The following ZFHX3 variants were observed in gnomAD, a reference collection of about 807,000 sequenced individuals.
ZFHX3 encodes the protein zinc finger homeobox 3, also known as zinc finger homeobox protein 3.
A neutral mutation model predicts 279.1 loss-of-function variants in ZFHX3; 42 were observed. The observed-to-expected ratio is 0.15, with a 90% confidence interval of 0.12 to 0.19. The LOEUF (loss-of-function observed/expected upper bound fraction) is 0.19. ZFHX3 is among the 10% of genes least tolerant of loss of function. The pLI is 1.00. For missense variants in ZFHX3, 4,981 were observed against 4,754.0 expected (o/e 1.05, Z -1.40); for synonymous variants, 2,293 against 1,957.8 (o/e 1.17, Z -4.52).
chr16:73,710,086 G>A (rs1244236613), intron 1 of ZFHX3, among the ~76,000 whole-genome samples: 2 of 152,176 alleles, frequency 1.3e-5, no homozygotes, highest in South Asian at 2.1e-4. Flanking sequence ...GGGAGGCTGA[G>A]GCAGGAGAAT....
At chr16:73,701,671 C>T (rs375102146) in intron 1 of ZFHX3, among the ~76,000 whole-genome samples, 10 of 152,032 alleles carry the variant, frequency 6.6e-5, no homozygotes, top group African/African-American at 2.4e-4. Flanking sequence ...TAATTATAAA[C>T]GCCTTTGCCT....
At chr16:73,258,885 G>T (rs1251498567) in intron 4 of ZFHX3, among the ~76,000 whole-genome samples, 3 of 151,976 alleles carry the variant, frequency 2.0e-5, no homozygotes, top group African/African-American at 4.8e-5. Context: ...TGCCGTTCCC[G>T]GGTAAGAGTT....
chr16:73,565,723 C>T (rs925241702), intron 2 of ZFHX3, among the ~76,000 whole-genome samples: 3 of 152,156 alleles, frequency 2.0e-5, no homozygotes, highest in African/African-American at 7.2e-5. Flanking sequence ...TTTTTACTCT[C>T]CTACACAGGT....
At chr16:73,089,389 C>T (rs1035678608) in intron 8 of ZFHX3, among the ~76,000 whole-genome samples, 3 of 152,212 alleles carry the variant, frequency 2.0e-5, no homozygotes, top group South Asian at 2.1e-4. Context: ...AGGCGTGAGC[C>T]GCTGCACCCG....
chr16:73,744,863 C>T (rs544785344), intron 1 of ZFHX3, among the ~76,000 whole-genome samples: 1 of 152,232 alleles, frequency 6.6e-6, no homozygotes, highest in Admixed American at 6.5e-5. Context: ...CAGCAGGAAC[C>T]CAATTTTTCA....
At chr16:72,887,974 T>C (rs933509532) in intron 4 of ZFHX3, among the ~76,000 whole-genome samples, 3 of 151,926 alleles carry the variant, frequency 2.0e-5, no homozygotes, top group Admixed American at 1.3e-4. Flanking sequence ...TGTACACGGG[T>C]GGGTTTGTGG....
At chr16:72,961,605 C>A (rs1961582045) in intron 1 of ZFHX3, among the ~76,000 whole-genome samples, 2 of 151,790 alleles carry the variant, frequency 1.3e-5, no homozygotes, top group South Asian at 4.2e-4. Flanking sequence ...CACTTCCCTC[C>A]CTGACAGCCC....
chr16:73,033,467 G>T (rs1964782771), intron 1 of ZFHX3, among the ~76,000 whole-genome samples: 5 of 152,166 alleles, frequency 3.3e-5, no homozygotes, highest in African/African-American at 9.6e-5. Context: ...CCAGCACAGG[G>T]CCTGATCATA....
intron 2 of ZFHX3, among the ~76,000 whole-genome samples, chr16:73,463,188 A>G (rs1356160578): frequency 6.6e-6 from 1 of 152,258 alleles, no homozygotes; most frequent in Non-Finnish European, 1.5e-5. Context: ...TTACAGTGGA[A>G]TAATAGTTAA....
In ZFHX3 at chr16:73,654,854, C is replaced by CTTTTTTTTTTTTTTTTTTTT. The variant is rs1382941693; in HGVS notation, c.-1547+25306_-1547+25325dup. 3.1e-5 allele frequency among the ~76,000 whole-genome samples: 2 copies of CTTTTTTTTTTTTTTTTTTTT among 64,126 alleles called. 1 individual carries two copies. The allele number at this position is 64,126 out of a possible 152,430, so 42.1% of individuals were successfully genotyped here. A position where few individuals can be genotyped will look rare whatever the true frequency, so the allele number is the denominator to read the frequency against. On this transcript the variant is annotated intron_variant, in intron 2 of 17. Coordinates refer to the ZFHX3 transcript ENST00000641206. ...TCTCTCTTCTAAACGATAGTAATCACTTTTTTTTTTTTTTTTTTTTTTTTG... is the reference window on the plus strand; with the variant it reads ...TCTCTCTTCTAAACGATAGTAATCACTTTTTTTTTTTTTTTTTTTTTTTTTTTTTTTTTTTTTTTTTTTTG...
intron 2 of ZFHX3, among the ~76,000 whole-genome samples, chr16:73,503,576 C>A (rs990525959): frequency 6.6e-6 from 1 of 152,210 alleles, no homozygotes; most frequent in African/African-American, 2.4e-5. Context: ...CCATGGCCTT[C>A]AATTACCATT....
At chr16:73,434,837 C>A (rs2017969911) in intron 3 of ZFHX3, among the ~76,000 whole-genome samples, 8 of 152,150 alleles carry the variant, frequency 5.3e-5, no homozygotes, top group Admixed American at 5.2e-4. Context: ...ACTGGGAAAA[C>A]AAGCAGCTTG....
intron 6 of ZFHX3, among the ~76,000 whole-genome samples, chr16:73,134,929 G>T (rs1966763167): frequency 6.6e-6 from 1 of 152,028 alleles, no homozygotes; most frequent in African/African-American, 2.4e-5. Flanking sequence ...CTTCAGCTCA[G>T]GTCTCAGAAT....
intron 1 of ZFHX3, among the ~76,000 whole-genome samples, chr16:73,695,627 A>G (rs2142211717): frequency 6.6e-6 from 1 of 152,328 alleles, no homozygotes; most frequent in Admixed American, 6.5e-5. Flanking sequence ...ACCTAGTTCC[A>G]TTTATTAGCA....
intron 1 of ZFHX3, among the ~76,000 whole-genome samples, chr16:73,728,019 C>CG (rs1555535421): frequency 1.0e-5 from 1 of 95,902 alleles, no homozygotes; most frequent in Non-Finnish European, 2.0e-5. Flanking sequence ...AATTGTGCCC[C>CG]CCCCCCGCCC....
intron 5 of ZFHX3, among the ~76,000 whole-genome samples, chr16:72,829,035 G>A (rs1008213566): frequency 6.0e-5 from 9 of 149,686 alleles, no homozygotes; most frequent in South Asian, 2.1e-4. Flanking sequence ...TCACTCTGTC[G>A]CGCAGGCTGG....
At position 73,296,503 on chromosome 16, in the gene ZFHX3, T is replaced by G. The variant is rs75633943; in HGVS notation, c.-1194+21737A>C. 1.6e-4 allele frequency among the ~76,000 whole-genome samples: 24 copies of G among 152,324 alleles called. No individual in the cohort carries two copies. The East Asian group carries it at 4.6e-3, about 29-fold the overall frequency. ...TGTGAATACAATTAGAAAATTACTC[T>G]CTTTTAGCAATATTTAAGATTGACT... On this transcript the variant is annotated intron_variant, in intron 4 of 17. Coordinates refer to the ZFHX3 transcript ENST00000641206.
chr16:73,466,408 A>G (rs1234446392), intron 2 of ZFHX3, among the ~76,000 whole-genome samples: 1 of 152,214 alleles, frequency 6.6e-6, no homozygotes, highest in Non-Finnish European at 1.5e-5. Context: ...ACTTGATCTC[A>G]GGAGATGGGG....
intron 3 of ZFHX3, among the ~76,000 whole-genome samples, chr16:72,900,828 T>C (rs540056893): frequency 1.1e-4 from 17 of 152,322 alleles, no homozygotes; most frequent in Middle Eastern, 3.4e-3. Flanking sequence ...TGAGAACCGA[T>C]GCTCTGGCCA....
Sources: allele counts gnomAD v4.1 joint callset (sites outside exome capture counted in the v4.1 genomes callset), GRCh38; gene constraint gnomAD v4.1.1; transcripts MANE v1.5; gene names NCBI Gene and HGNC (gene_info 2026-07-23, HGNC 2026-07-21).